The following COL5A2 variants were observed in gnomAD, a reference collection of about 807,000 sequenced individuals.
The protein encoded by COL5A2 is collagen type V alpha 2 chain.
A neutral mutation model predicts 208.2 loss-of-function variants in COL5A2; 23 were observed. That is an observed-to-expected ratio of 0.11 (90% CI 0.08 to 0.16). The LOEUF is 0.16. COL5A2 is among the 10% of genes least tolerant of loss of function. The probability of loss-of-function intolerance (pLI) is 1.00; values close to 1 mark genes in which losing one functional copy is unlikely to be tolerated. For missense variants in COL5A2, 1,590 were observed against 1,956.4 expected, an observed-to-expected ratio of 0.81 and a Z score of 3.53; for synonymous variants, 625 against 628.5, an observed-to-expected ratio of 0.99 and a Z score of 0.08.
intron 1 of COL5A2, among the ~76,000 whole-genome samples, chr2:189,213,993 T>C (rs991005314): frequency 1.8e-4 from 27 of 152,162 alleles, no homozygotes; most frequent in Non-Finnish European, 5.9e-5. Flanking sequence ...CTGGATTATA[T>C]TATACAATGA....
At chr2:189,332,613 C>T in the COL5A2 span, among the ~76,000 whole-genome samples, 1 of 152,180 alleles carries the variant, frequency 6.6e-6, no homozygotes, top group Non-Finnish European at 1.5e-5. Flanking sequence ...CAAGCTCCCT[C>T]TTTGCCTGCT....
chr2:189,308,639 G>C, the COL5A2 span, among the ~76,000 whole-genome samples: 2 of 151,938 alleles, frequency 1.3e-5, no homozygotes, highest in South Asian at 4.2e-4. Context: ...ATAAAACCTT[G>C]GTCTCCACAA....
the COL5A2 span, among the ~76,000 whole-genome samples, chr2:189,298,349 A>G: frequency 1.3e-5 from 2 of 152,276 alleles, no homozygotes; most frequent in Non-Finnish European, 2.9e-5. Context: ...AGCCTTGAAG[A>G]GTTCCCTTAT....
intron 3 of COL5A2, among the ~76,000 whole-genome samples, chr2:189,100,691 A>C (rs2105691527): frequency 6.6e-6 from 1 of 152,078 alleles, no homozygotes; most frequent in South Asian, 2.1e-4. Context: ...AAAAGAAAGA[A>C]AAAAATAATA....
intron 26 of COL5A2, among the ~76,000 whole-genome samples, 156 bp from the exon 27 acceptor site, chr2:189,063,426 A>T (rs984445472): frequency 2.0e-5 from 3 of 152,218 alleles, no homozygotes; most frequent in Non-Finnish European, 4.4e-5. Context: ...TGGGTTTTTT[A>T]AAAAACACTG....
the COL5A2 span, among the ~76,000 whole-genome samples, chr2:189,291,765 C>G: frequency 1.7e-3 from 255 of 151,532 alleles, 1 homozygote; most frequent in Admixed American, 4.8e-3. Context: ...GAAAATTTTT[C>G]TGCTATTTTT....
intron 33 of COL5A2, 83 bp downstream of exon 33, chr2:189,058,346 C>T: frequency 9.4e-7 from 1 of 1,068,426 alleles, no homozygotes; most frequent in Non-Finnish European, 1.5e-6. Context: ...AAAAACAAGA[C>T]AAATGCATTC....
the COL5A2 span, among the ~76,000 whole-genome samples, chr2:189,333,174 C>G: frequency 1.3e-5 from 2 of 151,534 alleles, no homozygotes; most frequent in South Asian, 2.1e-4. Context: ...TAAATTAGAA[C>G]CAAAGAAAGT....
intron 1 of COL5A2, among the ~76,000 whole-genome samples, chr2:189,204,969 C>G (rs1299102861): frequency 6.6e-6 from 1 of 152,168 alleles, no homozygotes; most frequent in East Asian, 1.9e-4. Context: ...CTTTCTGCAG[C>G]ATTCTCTGTA....
the COL5A2 span, among the ~76,000 whole-genome samples, chr2:189,318,128 T>C: frequency 6.6e-6 from 1 of 152,208 alleles, no homozygotes; most frequent in Non-Finnish European, 1.5e-5. Flanking sequence ...TATCTGACCC[T>C]GTAGAACACC....
Position 189,191,183 on chromosome 2 carries a change from CA to C in COL5A2, c.-42+33964del, listed in dbSNP as rs1216732160. 2.7e-3 allele frequency among the ~76,000 whole-genome samples: 376 copies of C among 137,046 alleles called. 4 individuals carry two copies. Among genetic ancestry groups the C allele is most frequent in the African/African-American group, 9.3e-3 (350 of 37,790 alleles). The allele number at this position is 137,046 out of a possible 152,430, so 89.9% of individuals were successfully genotyped here. ...ACAAACAAACAACAAAAAACAACAA[CA>C]AAAAAAACCACTCAGGTGGCTTAAA... On this transcript the variant is annotated intron_variant, in intron 1 of 10. Transcript: ENST00000649966.
chr2:189,320,969 G>T, the COL5A2 span, among the ~76,000 whole-genome samples: 2 of 152,170 alleles, frequency 1.3e-5, no homozygotes, highest in African/African-American at 4.8e-5. Context: ...GTGGATCTCT[G>T]GGCAGAAACT....
chr2:189,422,852 G>A, the COL5A2 span, among the ~76,000 whole-genome samples: 2 of 151,818 alleles, frequency 1.3e-5, no homozygotes, highest in Admixed American at 6.6e-5. Flanking sequence ...GTGAAACCCC[G>A]TCTCTACTAA....
the COL5A2 span, among the ~76,000 whole-genome samples, chr2:189,376,843 T>A: frequency 6.6e-6 from 1 of 152,200 alleles, no homozygotes; most frequent in East Asian, 1.9e-4. Context: ...ACAAAGGCAC[T>A]ATGTTCCACT....
At chr2:189,212,880 T>C (rs992246004) in intron 1 of COL5A2, among the ~76,000 whole-genome samples, 2 of 150,348 alleles carry the variant, frequency 1.3e-5, no homozygotes, top group Non-Finnish European at 3.0e-5. Flanking sequence ...TATATATATA[T>C]ATATACACAC....
At chr2:189,255,436 C>G in the COL5A2 span, among the ~76,000 whole-genome samples, 1 of 152,134 alleles carries the variant, frequency 6.6e-6, no homozygotes, top group Non-Finnish European at 1.5e-5. Context: ...ACCCCAACAT[C>G]CAAAATCTCT....
the COL5A2 span, among the ~76,000 whole-genome samples, chr2:189,383,216 G>GT: frequency 6.6e-6 from 1 of 152,218 alleles, no homozygotes; most frequent in Non-Finnish European, 1.5e-5. Context: ...TCTAAAGGCT[G>GT]TAAGTCCAAG....
the COL5A2 span, among the ~76,000 whole-genome samples, chr2:189,276,243 C>G: frequency 1.3e-5 from 2 of 152,178 alleles, no homozygotes; most frequent in Admixed American, 6.5e-5. Context: ...TCTCATCAAC[C>G]AAGTTCTACA....
Position 189,110,364 on chromosome 2 carries a change from G to T in COL5A2, c.183C>A (p.Ile61=). The change falls in exon 2 of 54, where the codon ATC becomes ATA. Residue 61 remains isoleucine (I), a synonymous_variant. Coordinates refer to ENST00000374866, the MANE Select transcript of COL5A2 (RefSeq NM_000393.5). ...GAATGGCTCCATTGTCACAGACACAGATCTGACAAGGGGCAGGTTTCCAAA... is the reference window on the plus strand; with the variant it reads ...GAATGGCTCCATTGTCACAGACACATATCTGACAAGGGGCAGGTTTCCAAA... ...RDIWKPAPCQ[I]CVCDNGAILC... The T allele has an allele frequency of 6.2e-7, 1 of 1,614,162 alleles. No individual in the cohort carries two copies. The highest frequency in any genetic ancestry group is 1.7e-5 in the Admixed American group (1 of 60,026).
Sources: gnomAD v4.1 joint callset for allele counts (sites outside exome capture counted in the v4.1 genomes callset) on GRCh38, gnomAD v4.1.1 for gene constraint, MANE v1.5 for transcripts, NCBI Gene and HGNC (gene_info 2026-07-23, HGNC 2026-07-21) for gene names.